The following PCDHA1 variants were observed in gnomAD, a reference collection of about 807,000 sequenced individuals.
PCDHA1 encodes the protein protocadherin alpha-1.
PCDHA1 carries 42 observed loss-of-function variants against 61.3 expected under a neutral mutation model. The observed-to-expected ratio is 0.69, with a 90% CI of 0.54 to 0.89. The LOEUF is 0.89. Among genes scored for constraint, PCDHA1 ranks in the 40% least tolerant of loss-of-function variants. The probability of loss-of-function intolerance (pLI) is 0.00; values close to 1 mark genes in which losing one functional copy is unlikely to be tolerated. For missense variants in PCDHA1, 1,256 were observed against 1,235.3 expected, an observed-to-expected ratio of 1.02 and a Z score of -0.25; for synonymous variants, 610 against 553.8, an observed-to-expected ratio of 1.10 and a Z score of -1.43.
chr5:140,836,316 C>T (rs2150257543), intron 1 of PCDHA1: 5 of 1,613,630 alleles, frequency 3.1e-6, no homozygotes, highest in Non-Finnish European at 4.2e-6. Context: ...CGCACCGCGC[C>T]ACCGCCTTCT....
At chr5:140,839,749 T>TC (rs1400438543) in intron 1 of PCDHA1, among the ~76,000 whole-genome samples, 2 of 152,066 alleles carry the variant, frequency 1.3e-5, no homozygotes, top group African/African-American at 4.8e-5. Flanking sequence ...TATTTGCCTT[T>TC]CCTATTTAAC....
chr5:140,798,241 A>T (rs1762307453), intron 1 of PCDHA1, among the ~76,000 whole-genome samples: 1 of 152,220 alleles, frequency 6.6e-6, no homozygotes, highest in Non-Finnish European at 1.5e-5. Context: ...TATGTAGCAC[A>T]GGTTGTTACA....
intron 1 of PCDHA1, among the ~76,000 whole-genome samples, chr5:140,840,382 G>C (rs1456193921): frequency 2.0e-5 from 3 of 151,912 alleles, no homozygotes; most frequent in Admixed American, 2.0e-4. Context: ...GAAAATAGGG[G>C]GTTGCAGATA....
chr5:140,980,545 G>A lies in PCDHA1; in HGVS notation c.2453+1538G>A, dbSNP rs190037193. ...CTAGGGAGGCTGAGGCAGGAGAATC[G>A]CTTGAACCCGGGAGGCGGAAGTTGC... On this transcript the variant is annotated intron_variant, in intron 2 of 3. Transcript: ENST00000504120. 4.1e-3 allele frequency among the ~76,000 whole-genome samples: 627 copies of A among 152,232 alleles called. 4 individuals are homozygous for A. Among genetic ancestry groups the A allele is most frequent in the Non-Finnish European group, 6.8e-3 (460 of 67,996 alleles).
At chr5:140,941,202 C>CTTTCTTT (rs1554213921) in intron 1 of PCDHA1, among the ~76,000 whole-genome samples, 7,232 of 122,704 alleles carry the variant, frequency 0.059, 419 homozygotes, top group East Asian at 0.13. Flanking sequence ...TTTCTTTCTT[C>CTTTCTTT]CTTTCTTTCT....
rs782801728 is a variant in PCDHA1, at chr5:140,787,316, T to C, written c.1026T>C (p.Asp342=). The change falls in exon 1 of 4, where the codon GAT becomes GAC. Residue 342 remains aspartate (D), a synonymous_variant. Transcript: ENST00000504120. ...NHCKVLVKVL[D]VNDNAPELAV... ...GTAAGGTTTTGGTGAAAGTGCTGGA[T>C]GTAAATGATAATGCTCCAGAACTGG... is the stretch of plus-strand genomic sequence containing the variant. The C allele has an allele frequency of 6.2e-7, 1 of 1,614,204 alleles. No homozygotes were observed. The highest frequency in any genetic ancestry group is 8.5e-7 in the Non-Finnish European group (1 of 1,180,014).
chr5:140,795,840 G>A (rs372524197), intron 1 of PCDHA1: 7 of 1,613,748 alleles, frequency 4.3e-6, no homozygotes, highest in African/African-American at 2.7e-5. Flanking sequence ...TACAGACTAA[G>A]TTTACCATAG....
chr5:140,883,860 T>C, intron 1 of PCDHA1: 2 of 1,613,044 alleles, frequency 1.2e-6, no homozygotes, highest in Non-Finnish European at 1.7e-6. Flanking sequence ...CTGGAGCTGT[T>C]GCAGTTCCAG....
chr5:140,916,053 G>T (rs1378949362), intron 1 of PCDHA1, among the ~76,000 whole-genome samples: 1 of 152,104 alleles, frequency 6.6e-6, no homozygotes, highest in African/African-American at 2.4e-5. Flanking sequence ...AGGCAGAGGT[G>T]CCTCTCCCTG....
chr5:140,922,049 T>G (rs1368623726), intron 1 of PCDHA1, among the ~76,000 whole-genome samples: 1 of 152,066 alleles, frequency 6.6e-6, no homozygotes, highest in African/African-American at 2.4e-5. Context: ...CCCACATACC[T>G]TCAAAATGTA....
At chr5:140,960,177 G>C (rs2095530246) in intron 1 of PCDHA1, among the ~76,000 whole-genome samples, 1 of 152,052 alleles carries the variant, frequency 6.6e-6, no homozygotes, top group Non-Finnish European at 1.5e-5. Flanking sequence ...CTTAAGTTAG[G>C]GGTTGCATGT....
chr5:140,857,944 G>C, intron 1 of PCDHA1: 1 of 1,597,474 alleles, frequency 6.3e-7, no homozygotes, highest in South Asian at 1.1e-5. Flanking sequence ...AGATCAGTAC[G>C]ACGCGCGCTC....
intron 1 of PCDHA1, chr5:140,797,159 G>A: frequency 1.2e-6 from 2 of 1,613,998 alleles, no homozygotes; most frequent in Non-Finnish European, 1.7e-6. Context: ...GAGGGTGCGC[G>A]CGCGCCAGGA....
chr5:140,824,633 A>G (rs12660016), intron 1 of PCDHA1: 1 of 102,008 alleles, frequency 9.8e-6, no homozygotes, highest in Non-Finnish European at 1.9e-5. Context: ...TTTTTTTTTT[A>G]TTTTCTGTAG....
At chr5:140,831,362 A>ATG (rs2150193991) in intron 1 of PCDHA1, 80,403 of 149,344 alleles carry the variant, frequency 0.54, 21,753 homozygotes, top group Middle Eastern at 0.63. Flanking sequence ...ACTATTTTGT[A>ATG]TGTGTGTGTG....
intron 1 of PCDHA1, chr5:140,884,429 C>G: frequency 6.2e-7 from 1 of 1,613,964 alleles, no homozygotes. Flanking sequence ...GTATACTGCG[C>G]TGCGGTGCTC....
intron 1 of PCDHA1, among the ~76,000 whole-genome samples, chr5:140,844,093 C>T (rs2150368688): frequency 2.7e-5 from 4 of 149,720 alleles, no homozygotes; most frequent in African/African-American, 9.8e-5. Flanking sequence ...AACTCTTAAT[C>T]TTACTCCATA....
intron 1 of PCDHA1, chr5:140,795,040 G>T (rs369107883): frequency 6.2e-7 from 1 of 1,613,876 alleles, no homozygotes; most frequent in East Asian, 2.2e-5. Flanking sequence ...AGCCTGGGAG[G>T]TGGGGAGCGG....
chr5:140,933,032 G>A (rs1425582468), intron 1 of PCDHA1, among the ~76,000 whole-genome samples: 1 of 152,016 alleles, frequency 6.6e-6, no homozygotes, highest in Non-Finnish European at 1.5e-5. Flanking sequence ...AGAACTTCAA[G>A]TGAATATGGA....
Sources: gnomAD v4.1 joint callset for allele counts (sites outside exome capture counted in the v4.1 genomes callset) on GRCh38, gnomAD v4.1.1 for gene constraint, MANE v1.5 for transcripts, NCBI Gene and HGNC (gene_info 2026-07-23, HGNC 2026-07-21) for gene names.